Variants in TMEM245 observed in about 807,000 individuals in gnomAD.
TMEM245 encodes the protein protein CG-2.
In TMEM245, 69 loss-of-function variants were observed where a neutral mutation model predicts 101.2. The ratio of observed to expected loss-of-function variants is 0.68; its 90% CI spans 0.56 to 0.83. TMEM245 has a LOEUF of 0.83. Among genes scored for constraint, TMEM245 ranks in the 40% least tolerant of loss-of-function variants. The pLI is 0.00. For synonymous variants in TMEM245, 537 were observed against 449.8 expected, an observed-to-expected ratio of 1.19 and a Z score of -2.45; for missense variants, 1,075 against 1,092.8, an observed-to-expected ratio of 0.98 and a Z score of 0.23.
At chr9:109,049,176 G>A (rs570745449) in intron 14 of TMEM245, among the ~76,000 whole-genome samples, 1 of 152,272 alleles carries the variant, frequency 6.6e-6, no homozygotes, top group South Asian at 2.1e-4. Flanking sequence ...GTAAATCTCA[G>A]GTTTGAGAGA....
chr9:109,108,224 T>C (rs1366956798), intron 2 of TMEM245, among the ~76,000 whole-genome samples: 1 of 152,114 alleles, frequency 6.6e-6, no homozygotes, highest in Non-Finnish European at 1.5e-5. Context: ...TTTTAAGATG[T>C]ATTGACTTTT....
intron 9 of TMEM245, among the ~76,000 whole-genome samples, chr9:109,065,254 T>C (rs1829132595): frequency 6.6e-6 from 1 of 152,214 alleles, no homozygotes; most frequent in South Asian, 2.1e-4. Flanking sequence ...TCTCAAAGTG[T>C]GGTCCACAAA....
intron 14 of TMEM245, among the ~76,000 whole-genome samples, chr9:109,047,624 CAG>C (rs1183525225): frequency 2.0e-5 from 3 of 152,158 alleles, no homozygotes; most frequent in Non-Finnish European, 4.4e-5. Flanking sequence ...AAAAAGGTGA[CAG>C]ACATTTAGAG....
At chr9:109,092,706 T>A (rs914653008) in intron 4 of TMEM245, among the ~76,000 whole-genome samples, 1 of 152,200 alleles carries the variant, frequency 6.6e-6, no homozygotes, top group African/African-American at 2.4e-5. Context: ...ATTCCCTAAC[T>A]CCAAATACCT....
intron 12 of TMEM245, among the ~76,000 whole-genome samples, chr9:109,051,872 A>G: frequency 6.6e-6 from 1 of 152,184 alleles, no homozygotes; most frequent in East Asian, 1.9e-4. Context: ...TATAAAAAGC[A>G]TCACCTCAAT....
intron 9 of TMEM245, among the ~76,000 whole-genome samples, chr9:109,069,778 C>G (rs1027535789): frequency 6.6e-6 from 1 of 152,180 alleles, no homozygotes; most frequent in Non-Finnish European, 1.5e-5. Context: ...TGCTCTATAC[C>G]TCCTTCCCAG....
At chr9:109,093,026 G>GA (rs1313387088) in intron 4 of TMEM245, among the ~76,000 whole-genome samples, 1 of 151,988 alleles carries the variant, frequency 6.6e-6, no homozygotes, top group Non-Finnish European at 1.5e-5. Context: ...ACAAAAGAAA[G>GA]AAAAAACAAC....
chr9:109,062,469 T>C (rs934518257), intron 10 of TMEM245, among the ~76,000 whole-genome samples: 2 of 152,256 alleles, frequency 1.3e-5, no homozygotes, highest in Admixed American at 1.3e-4. Context: ...GTAGCCATTA[T>C]TTATTATTTT....
chr9:109,069,069 G>A (rs1829255379), intron 9 of TMEM245, among the ~76,000 whole-genome samples: 1 of 152,174 alleles, frequency 6.6e-6, no homozygotes, highest in African/African-American at 2.4e-5. Flanking sequence ...TGGAGGGGAT[G>A]GGGTGAAGAG....
At position 109,075,175 on chromosome 9, in the gene TMEM245, A is replaced by G. The variant is rs147152510; in HGVS notation, c.1450-1737T>C. ...TGACTGGATTTGAGACCTATCTTAC[A>G]TTAACCAACTGTTGGATGTTAAACG... On this transcript the variant is annotated intron_variant, in intron 8 of 17. Coordinates refer to ENST00000374586, the MANE Select transcript of TMEM245 (RefSeq NM_032012.4). Among the ~76,000 whole-genome samples the G allele has an allele frequency of 2.3e-3, 347 of 152,354 alleles. 1 individual carries two copies. The highest frequency in any genetic ancestry group is 4.0e-3 in the Non-Finnish European group (272 of 68,036).
chr9:109,055,593 G>A (rs1219589257), intron 12 of TMEM245, among the ~76,000 whole-genome samples: 2 of 151,698 alleles, frequency 1.3e-5, no homozygotes, highest in Non-Finnish European at 2.9e-5. Context: ...GATATTGCAA[G>A]TATGATAGCA....
At chr9:109,046,518 T>C (rs573082455) in intron 14 of TMEM245, among the ~76,000 whole-genome samples, 5 of 152,302 alleles carry the variant, frequency 3.3e-5, no homozygotes, top group African/African-American at 9.6e-5. Flanking sequence ...TTCAATGAGA[T>C]AGTGATCATA....
In TMEM245 at chr9:109,064,526, G is replaced by C. The variant is rs1397367954; in HGVS notation, c.1574C>G (p.Ser525Cys). ...EAQVVQRALN[S>C]AANNVYQYGR... Reference sequence around the variant, plus strand: ...ATACTGATACACGTTGTTAGCCGCAGAATTCAGGGCTCTTTGGACTACCTG... The same window carrying C: ...ATACTGATACACGTTGTTAGCCGCACAATTCAGGGCTCTTTGGACTACCTG... The change falls in exon 10 of 18, where the codon TCT becomes TGT. Residue 525 changes from serine (S) to cysteine (C), a missense_variant. By Grantham distance (112) the Ser-to-Cys change is moderately radical (BLOSUM62 -1). Around this residue, in one of 2 missense-constraint regions of TMEM245, gnomAD observed 808 missense variants for 741.5 expected, o/e 1.09. Transcript: ENST00000374586. 1.9e-5 allele frequency: 31 copies of C among 1,613,872 alleles called. No homozygotes were observed. Among genetic ancestry groups the C allele is most frequent in the Non-Finnish European group, 2.5e-5 (30 of 1,179,908 alleles).
chr9:109,056,539 C>T (rs1184765419), intron 12 of TMEM245, among the ~76,000 whole-genome samples: 1 of 151,614 alleles, frequency 6.6e-6, no homozygotes, highest in African/African-American at 2.4e-5. Flanking sequence ...TCGCTTGAAC[C>T]CGGGAGGTGG....
At chr9:109,073,922 G>A (rs1431367714) in intron 8 of TMEM245, among the ~76,000 whole-genome samples, 1 of 147,976 alleles carries the variant, frequency 6.8e-6, no homozygotes, top group Non-Finnish European at 1.5e-5. Flanking sequence ...GTGTAGTGGC[G>A]CAATCTCAGC....
rs781466867 is a variant in TMEM245 at position 109,086,032 on chromosome 9, G to A, written c.1321-12C>T. 2 of 1,613,600 alleles carry A rather than the reference G, an allele frequency of 1.2e-6. No individual in the cohort carries two copies. Among genetic ancestry groups the A allele is most frequent in the Non-Finnish European group, 8.5e-7 (1 of 1,179,722 alleles). ...AGCCAGTGCCAGAGCTTGAGGATAG[G>A]GGGTAAGGTGAGAAAGAGAAGATAA... On this transcript the variant is annotated splice_polypyrimidine_tract_variant and intron_variant, in intron 6 of 17. Coordinates refer to ENST00000374586, the MANE Select transcript of TMEM245 (RefSeq NM_032012.4).
chr9:109,052,918 CA>C (rs11286893), intron 12 of TMEM245, among the ~76,000 whole-genome samples: 22,153 of 151,668 alleles, frequency 0.15, 1,836 homozygotes, highest in African/African-American at 0.2. Flanking sequence ...TCTCCAACAA[CA>C]AAAAAGTAAC....
At chr9:109,071,235 AT>A (rs557379952) in intron 9 of TMEM245, among the ~76,000 whole-genome samples, 33 of 151,444 alleles carry the variant, frequency 2.2e-4, no homozygotes, top group African/African-American at 6.1e-4. Context: ...TCATTAGTCC[AT>A]TTTTTTTAAT....
chr9:109,110,227 A>G (rs1012685216), intron 1 of TMEM245, among the ~76,000 whole-genome samples: 26 of 152,188 alleles, frequency 1.7e-4, no homozygotes, highest in African/African-American at 6.0e-4. Context: ...TCTGAGTACA[A>G]TAATAGTACA....
Sources: gnomAD v4.1 joint callset for allele counts (sites outside exome capture counted in the v4.1 genomes callset) on GRCh38, gnomAD v4.1.1 for gene constraint, gnomAD v4.1.1 regional missense constraint, MANE v1.5 for transcripts, NCBI Gene and HGNC (gene_info 2026-07-23, HGNC 2026-07-21) for gene names.